Variants in IGF2BP3 observed in about 807,000 individuals in gnomAD.
IGF2BP3 encodes insulin like growth factor 2 mRNA binding protein 3.
In IGF2BP3, 9 loss-of-function variants were observed where a neutral mutation model predicts 73.8. The ratio of observed to expected loss-of-function variants is 0.12; its 90% CI spans 0.07 to 0.21. The LOEUF is 0.21. Ranked by LOEUF, IGF2BP3 falls within the 10% of genes least tolerant of loss-of-function variation. IGF2BP3 has a pLI of 1.00. For missense variants in IGF2BP3, 542 were observed against 714.0 expected (o/e 0.76, Z 2.75); for synonymous variants, 258 against 256.7 (o/e 1.01, Z -0.05).
At chr7:23,438,362 C>A (rs938970849) in intron 2 of IGF2BP3, among the ~76,000 whole-genome samples, 10 of 152,298 alleles carry the variant, frequency 6.6e-5, no homozygotes, top group Non-Finnish European at 1.3e-4. Flanking sequence ...AATCTGCCCC[C>A]CTTGGCATTC....
chr7:23,443,224 C>A (rs1300491023), intron 2 of IGF2BP3, among the ~76,000 whole-genome samples: 1 of 146,566 alleles, frequency 6.8e-6, no homozygotes, highest in Non-Finnish European at 1.5e-5. Flanking sequence ...CTCCCAGGTT[C>A]AAGCGATTCT....
chr7:23,386,570 A>G (rs559415287), intron 3 of IGF2BP3, among the ~76,000 whole-genome samples: 41 of 152,366 alleles, frequency 2.7e-4, no homozygotes, highest in Non-Finnish European at 5.3e-4. Context: ...TACAAAATAA[A>G]TATCCACAAG....
chr7:23,464,619 G>C (rs531900459), intron 2 of IGF2BP3, among the ~76,000 whole-genome samples: 4 of 151,906 alleles, frequency 2.6e-5, no homozygotes, highest in Non-Finnish European at 5.9e-5. Context: ...GGGAGGCAGA[G>C]GTTGCAGTGA....
At chr7:23,332,608 A>G (rs1175196895) in intron 10 of IGF2BP3, among the ~76,000 whole-genome samples, 2 of 152,260 alleles carry the variant, frequency 1.3e-5, no homozygotes, top group Non-Finnish European at 2.9e-5. Context: ...CAAAGAACAC[A>G]AAATAAAATT....
intron 2 of IGF2BP3, among the ~76,000 whole-genome samples, chr7:23,442,951 T>C (rs1419192108): frequency 3.3e-5 from 5 of 152,138 alleles, no homozygotes; most frequent in Non-Finnish European, 5.9e-5. Flanking sequence ...AATCAAACCA[T>C]TTGGAAGCAG....
At chr7:23,329,124 A>G (rs1784379378) in intron 10 of IGF2BP3, among the ~76,000 whole-genome samples, 1 of 151,944 alleles carries the variant, frequency 6.6e-6, no homozygotes, top group African/African-American at 2.4e-5. Context: ...GAGGCAGGAG[A>G]ATGGCATGAA....
At chr7:23,369,951 T>C (rs573979410) in intron 3 of IGF2BP3, among the ~76,000 whole-genome samples, 12 of 152,316 alleles carry the variant, frequency 7.9e-5, no homozygotes, top group African/African-American at 2.9e-4. Context: ...CAAGTCTGAT[T>C]AGCATGCTTG....
At chr7:23,372,013 A>G (rs1303382437) in intron 3 of IGF2BP3, among the ~76,000 whole-genome samples, 1 of 151,774 alleles carries the variant, frequency 6.6e-6, no homozygotes. Flanking sequence ...TTTATTTTTA[A>G]TTTATTTTTT....
chr7:23,377,369 A>G lies in IGF2BP3; in HGVS notation c.286-15628T>C, dbSNP rs375460715. On this transcript the variant is annotated intron_variant, in intron 3 of 14. Coordinates refer to ENST00000258729, the MANE Select transcript of IGF2BP3 (RefSeq NM_006547.3). ...TATACAGATGACTAATAAGCACATG[A>G]AACAATGCTCGACATCATTAGTCAG... is the stretch of plus-strand genomic sequence containing the variant. Among the ~76,000 whole-genome samples, 23 of 152,364 alleles carry G rather than the reference A, an allele frequency of 1.5e-4. 1 individual carries two copies. The highest frequency in any genetic ancestry group is 9.1e-4 in the Admixed American group (14 of 15,302).
chr7:23,429,639 A>G (rs1402963077), intron 2 of IGF2BP3, among the ~76,000 whole-genome samples: 4 of 152,232 alleles, frequency 2.6e-5, no homozygotes, highest in African/African-American at 9.6e-5. Flanking sequence ...GCTTTAAACC[A>G]CAATAACTTA....
At chr7:23,318,132 G>C (rs1399914121) in intron 11 of IGF2BP3, among the ~76,000 whole-genome samples, 1 of 152,108 alleles carries the variant, frequency 6.6e-6, no homozygotes, top group African/African-American at 2.4e-5. Flanking sequence ...TATGGTCCTT[G>C]GCCCACTTGC....
At chr7:23,383,413 C>T (rs1339775054) in intron 3 of IGF2BP3, among the ~76,000 whole-genome samples, 5 of 152,140 alleles carry the variant, frequency 3.3e-5, no homozygotes, top group African/African-American at 1.2e-4. Context: ...CAGGCAAATG[C>T]AGACGAAAAC....
chr7:23,428,047 G>C (rs561312201), intron 2 of IGF2BP3, among the ~76,000 whole-genome samples: 1 of 151,758 alleles, frequency 6.6e-6, no homozygotes. Context: ...GTGGTGGCAC[G>C]CACCTGTAAT....
chr7:23,340,880 C>T (rs377579945), intron 10 of IGF2BP3, among the ~76,000 whole-genome samples: 6 of 142,874 alleles, frequency 4.2e-5, no homozygotes, highest in South Asian at 4.4e-4. Context: ...GACAGAGTTT[C>T]GCTCTGTCGC....
chr7:23,334,940 C>G (rs274032), intron 10 of IGF2BP3, among the ~76,000 whole-genome samples: 86,387 of 151,690 alleles, frequency 0.57, 27,658 homozygotes, highest in African/African-American at 0.88. Context: ...AAGGATGCCA[C>G]GGTTTCCCTT....
At chr7:23,390,654 C>T (rs1562720859) in intron 3 of IGF2BP3, among the ~76,000 whole-genome samples, 1 of 152,146 alleles carries the variant, frequency 6.6e-6, no homozygotes, top group Non-Finnish European at 1.5e-5. Context: ...GCACAACCAC[C>T]TTTACCCCCT....
At chr7:23,331,657 C>T (rs542408630) in intron 10 of IGF2BP3, among the ~76,000 whole-genome samples, 45 of 151,998 alleles carry the variant, frequency 3.0e-4, no homozygotes, top group Non-Finnish European at 4.6e-4. Flanking sequence ...GTCAGGAGTT[C>T]GAGACCAACC....
intron 2 of IGF2BP3, among the ~76,000 whole-genome samples, chr7:23,425,859 G>C (rs1787493378): frequency 6.6e-6 from 1 of 152,012 alleles, no homozygotes; most frequent in Non-Finnish European, 1.5e-5. Flanking sequence ...AGCTACTCGG[G>C]AGGCTGAGGC....
intron 2 of IGF2BP3, among the ~76,000 whole-genome samples, chr7:23,461,695 C>A (rs1788453855): frequency 6.6e-6 from 1 of 152,210 alleles, no homozygotes; most frequent in Non-Finnish European, 1.5e-5. Flanking sequence ...CGGAATATTA[C>A]AACTGTGCTA....
Sources: gnomAD v4.1 joint callset for allele counts (sites outside exome capture counted in the v4.1 genomes callset) on GRCh38, gnomAD v4.1.1 for gene constraint, MANE v1.5 for transcripts, NCBI Gene and HGNC (gene_info 2026-07-23, HGNC 2026-07-21) for gene names.